GIGYF2: variants seen among roughly 807,000 people sequenced by gnomAD.
The protein encoded by GIGYF2 is GRB10-interacting GYF protein 2.
Under a neutral mutation model 208.1 loss-of-function variants are expected in GIGYF2, and 25 were observed. The ratio of observed to expected loss-of-function variants is 0.12; its 90% confidence interval spans 0.09 to 0.17. The LOEUF is 0.17. Ranked by LOEUF, GIGYF2 falls within the 10% of genes least tolerant of loss-of-function variation. GIGYF2 has a pLI of 1.00. For missense variants in GIGYF2, 1,302 were observed against 1,579.4 expected (o/e 0.82, Z 2.98); for synonymous variants, 534 against 543.8 (o/e 0.98, Z 0.25).
chr2:232,832,277 G>A (rs1701443399), intron 21 of GIGYF2, among the ~76,000 whole-genome samples: 1 of 152,184 alleles, frequency 6.6e-6, no homozygotes, highest in Admixed American at 6.5e-5. Context: ...AGTTCCGCAG[G>A]GCACAATGGA....
chr2:232,832,118 T>A (rs1345239008), intron 21 of GIGYF2, among the ~76,000 whole-genome samples: 1 of 152,186 alleles, frequency 6.6e-6, no homozygotes, highest in African/African-American at 2.4e-5. Flanking sequence ...AGGTGAAGTA[T>A]ACCTCCTAAA....
At chr2:232,791,211 CA>C in intron 11 of GIGYF2, 41 bp downstream of exon 11, 1 of 1,613,776 alleles carries the variant, frequency 6.2e-7, no homozygotes, top group Non-Finnish European at 8.5e-7. Flanking sequence ...TTTCCTCCAT[CA>C]AACCAAAACT....
chr2:232,855,732 A>G (rs1199596842), intron 28 of GIGYF2, among the ~76,000 whole-genome samples: 1 of 152,130 alleles, frequency 6.6e-6, no homozygotes. Context: ...CTCAGATTTC[A>G]AAGTTATGTG....
intron 22 of GIGYF2, among the ~76,000 whole-genome samples, chr2:232,835,674 G>T (rs1249078961): frequency 6.6e-6 from 1 of 152,062 alleles, no homozygotes; most frequent in Non-Finnish European, 1.5e-5. Context: ...GTGGAATCCA[G>T]TTCTCCCCTC....
At chr2:232,770,102 G>A (rs886481670) in intron 8 of GIGYF2, among the ~76,000 whole-genome samples, 4 of 152,124 alleles carry the variant, frequency 2.6e-5, no homozygotes, top group African/African-American at 9.7e-5. Flanking sequence ...CCCAGTATAG[G>A]AACTCTTGTT....
intron 18 of GIGYF2, among the ~76,000 whole-genome samples, chr2:232,813,196 T>TC (rs2106387167): frequency 6.7e-6 from 1 of 149,740 alleles, no homozygotes; most frequent in East Asian, 1.9e-4. Flanking sequence ...TCTTTTTTTT[T>TC]TTTTTTTTTT....
intron 14 of GIGYF2, among the ~76,000 whole-genome samples, chr2:232,805,532 T>C (rs1036992609): frequency 1.3e-5 from 2 of 152,240 alleles, no homozygotes; most frequent in African/African-American, 2.4e-5. Context: ...TTGCATGATA[T>C]ATCTTTTTCT....
At chr2:232,744,661 A>G (rs1698084772) in intron 3 of GIGYF2, among the ~76,000 whole-genome samples, 1 of 151,602 alleles carries the variant, frequency 6.6e-6, no homozygotes, top group South Asian at 2.1e-4. Context: ...CCTCCTGAGT[A>G]GCTGGGACCA....
intron 8 of GIGYF2, chr2:232,782,853 A>G (rs1051240933): frequency 6.6e-6 from 1 of 152,252 alleles, no homozygotes; most frequent in African/African-American, 2.4e-5. Context: ...GATAGTGTTT[A>G]TCTTGGGAAG....
At chr2:232,774,483 T>A (rs764180469) in intron 8 of GIGYF2, among the ~76,000 whole-genome samples, 5 of 152,210 alleles carry the variant, frequency 3.3e-5, no homozygotes, top group Non-Finnish European at 5.9e-5. Context: ...AGTTATGACA[T>A]AACATTGCCA....
intron 28 of GIGYF2, among the ~76,000 whole-genome samples, chr2:232,856,418 G>A (rs1479077858): frequency 5.9e-5 from 9 of 152,102 alleles, no homozygotes; most frequent in African/African-American, 1.9e-4. Flanking sequence ...GGCCAGGCAC[G>A]TTGGCTGACG....
intron 25 of GIGYF2, among the ~76,000 whole-genome samples, chr2:232,845,432 C>T (rs1574949810): frequency 6.6e-6 from 1 of 152,164 alleles, no homozygotes; most frequent in Non-Finnish European, 1.5e-5. Flanking sequence ...TACCGTTTTA[C>T]AGATGAGGAG....
intron 26 of GIGYF2, 93 bp downstream of exon 26, chr2:232,845,979 A>T: frequency 1.2e-6 from 1 of 829,012 alleles, no homozygotes; most frequent in Non-Finnish European, 2.1e-6. Context: ...AAAAGTCAAA[A>T]GATGAAATCT....
intron 2 of GIGYF2, chr2:232,729,816 C>T (rs1043949334): frequency 6.7e-6 from 5 of 745,510 alleles, no homozygotes; most frequent in South Asian, 2.7e-5. Context: ...TGGCTTTCTT[C>T]GATTCATATT....
chr2:232,768,896 T>A (rs1231049949), intron 8 of GIGYF2: 10 of 1,207,974 alleles, frequency 8.3e-6, no homozygotes, highest in Non-Finnish European at 1.0e-5. Flanking sequence ...GTATATCAAA[T>A]ATTTACACAT....
In GIGYF2 at chr2:232,779,803, C is replaced by T. The variant is rs568578868; in HGVS notation, c.533-7347C>T. Among the ~76,000 whole-genome samples the T allele has an allele frequency of 2.0e-3, 312 of 152,240 alleles. 1 individual carries two copies. The highest frequency in any genetic ancestry group is 7.1e-3 in the African/African-American group (296 of 41,550). ...GTTATTTATTCCTCAGGGAGAAAGT[C>T]GTAACTCTCTGGGTACAGAAGTTAA... On this transcript the variant is annotated intron_variant, in intron 8 of 28. Transcript: ENST00000373563.
At chr2:232,811,108 A>G in intron 16 of GIGYF2, 136 bp from the exon 17 acceptor site, 1 of 648,160 alleles carries the variant, frequency 1.5e-6, no homozygotes, top group Admixed American at 2.4e-5. Flanking sequence ...ATAATGAAGA[A>G]TTATAAAATA....
At chr2:232,736,098 T>A in intron 3 of GIGYF2, 1 of 955,258 alleles carries the variant, frequency 1.0e-6, no homozygotes, top group Non-Finnish European at 1.2e-6. Flanking sequence ...TATTTCTTTT[T>A]ATTAATATAT....
chr2:232,740,921 TATTTGTTCAGAAAACATTTTATCA>T (rs1231254032), intron 3 of GIGYF2, among the ~76,000 whole-genome samples: 2 of 152,162 alleles, frequency 1.3e-5, no homozygotes, highest in Non-Finnish European at 2.9e-5. Flanking sequence ...TGGAAGCAAA[TATTTGTTCAGAAAACATTTTATCA>T]AATGCTTGCT....
Sources: gnomAD v4.1 joint callset for allele counts (sites outside exome capture counted in the v4.1 genomes callset) on GRCh38, gnomAD v4.1.1 for gene constraint, MANE v1.5 for transcripts, NCBI Gene and HGNC (gene_info 2026-07-23, HGNC 2026-07-21) for gene names.